ATRN: variants seen among roughly 807,000 people sequenced by gnomAD.
ATRN encodes the protein attractin-2.
In ATRN, 54 loss-of-function variants were observed where a neutral mutation model predicts 178.7. The observed-to-expected ratio is 0.30, with a 90% CI of 0.24 to 0.38. The LOEUF (loss-of-function observed/expected upper bound fraction) is 0.38. ATRN is among the 10% of genes least tolerant of loss of function. ATRN has a pLI of 1.00. For missense variants in ATRN, 1,443 were observed against 1,815.1 expected (o/e 0.79, Z 3.73); for synonymous variants, 636 against 663.0 (o/e 0.96, Z 0.63).
chr20:3,507,135 A>G (rs1472943872), intron 1 of ATRN, among the ~76,000 whole-genome samples: 1 of 151,712 alleles, frequency 6.6e-6, no homozygotes, highest in African/African-American at 2.4e-5. Context: ...GGCCGGGCAC[A>G]TTGGCTCATG....
chr20:3,633,229 G>C (rs922177159), intron 25 of ATRN, among the ~76,000 whole-genome samples: 8 of 152,188 alleles, frequency 5.3e-5, no homozygotes, highest in African/African-American at 1.7e-4. Context: ...GACGATCCTG[G>C]GGGGGTTGGA....
At chr20:3,484,953 T>C (rs1325126738) in intron 1 of ATRN, among the ~76,000 whole-genome samples, 1 of 148,662 alleles carries the variant, frequency 6.7e-6, no homozygotes, top group African/African-American at 2.5e-5. Flanking sequence ...ATTATTGCAC[T>C]GAGTAATATT....
intron 1 of ATRN, among the ~76,000 whole-genome samples, chr20:3,515,025 T>C (rs1259855420): frequency 1.3e-5 from 2 of 152,168 alleles, no homozygotes; most frequent in East Asian, 1.9e-4. Flanking sequence ...TTAGGATAAC[T>C]ATCACACTGT....
chr20:3,586,012 T>C (rs1200288117), intron 18 of ATRN, among the ~76,000 whole-genome samples: 4 of 152,132 alleles, frequency 2.6e-5, no homozygotes, highest in Non-Finnish European at 2.9e-5. Flanking sequence ...AAGTTAAATA[T>C]AGAGTTATCA....
At chr20:3,541,798 A>G (rs1600090470) in intron 3 of ATRN, among the ~76,000 whole-genome samples, 1 of 152,224 alleles carries the variant, frequency 6.6e-6, no homozygotes. Flanking sequence ...TTCACCTGCA[A>G]CTGGCTTTCT....
intron 1 of ATRN, among the ~76,000 whole-genome samples, chr20:3,507,617 C>T (rs1423284565): frequency 1.3e-5 from 2 of 151,298 alleles, no homozygotes; most frequent in African/African-American, 4.9e-5. Flanking sequence ...TCAGGAAATG[C>T]AACAAACACC....
chr20:3,521,351 A>C (rs892692836), intron 1 of ATRN, among the ~76,000 whole-genome samples: 5 of 152,110 alleles, frequency 3.3e-5, no homozygotes, highest in African/African-American at 1.2e-4. Flanking sequence ...GAAAAAAAAA[A>C]CCCAAAAACA....
chr20:3,581,295 A>G (rs979573086), intron 15 of ATRN, among the ~76,000 whole-genome samples: 1 of 152,210 alleles, frequency 6.6e-6, no homozygotes, highest in Non-Finnish European at 1.5e-5. Context: ...CTTTTGTTTT[A>G]TAACTACCAA....
At chr20:3,561,889 G>A (rs1689778753) in intron 8 of ATRN, among the ~76,000 whole-genome samples, 1 of 152,000 alleles carries the variant, frequency 6.6e-6, no homozygotes, top group Non-Finnish European at 1.5e-5. Context: ...CACCACTCCT[G>A]GCTAATTTTT....
chr20:3,642,928 AC>A (rs1162328508), intron 27 of ATRN, among the ~76,000 whole-genome samples: 12 of 152,144 alleles, frequency 7.9e-5, no homozygotes, highest in Non-Finnish European at 1.6e-4. Flanking sequence ...GACTTGACAC[AC>A]CATCCCTGGT....
At chr20:3,635,392 A>AATAAATAAATAT (rs1447434992) in intron 26 of ATRN, among the ~76,000 whole-genome samples, 2 of 151,320 alleles carry the variant, frequency 1.3e-5, no homozygotes, top group East Asian at 3.8e-4. Context: ...TAAATAAATA[A>AATAAATAAATAT]ATATTTTAAA....
chr20:3,508,991 T>C (rs2085084879), intron 1 of ATRN, among the ~76,000 whole-genome samples: 1 of 151,566 alleles, frequency 6.6e-6, no homozygotes, highest in Non-Finnish European at 1.5e-5. Context: ...AAGTAAATAG[T>C]AAAAGGATGC....
At chr20:3,501,989 T>A (rs917208426) in intron 1 of ATRN, among the ~76,000 whole-genome samples, 2 of 152,146 alleles carry the variant, frequency 1.3e-5, no homozygotes, top group African/African-American at 4.8e-5. Context: ...GAAGCCCAGC[T>A]TTCACATTAC....
chr20:3,579,732 C>T (rs976847190), intron 15 of ATRN, among the ~76,000 whole-genome samples: 2 of 152,144 alleles, frequency 1.3e-5, no homozygotes, highest in Non-Finnish European at 2.9e-5. Context: ...ACTCATAGAA[C>T]AAAGCTCTTT....
At chr20:3,559,315 G>T (rs1411286791) in intron 6 of ATRN, 78 bp from the exon 7 acceptor site, 8 of 1,156,500 alleles carry the variant, frequency 6.9e-6, no homozygotes. Context: ...TCTCCAAACT[G>T]GATTATGTCA....
At chr20:3,553,520 A>G (rs2085818520) in intron 6 of ATRN, among the ~76,000 whole-genome samples, 1 of 152,210 alleles carries the variant, frequency 6.6e-6, no homozygotes, top group African/African-American at 2.4e-5. Context: ...CCATTGAACA[A>G]TATAAATAAT....
At chr20:3,544,563 T>C (rs1268175349) in intron 3 of ATRN, among the ~76,000 whole-genome samples, 2 of 151,846 alleles carry the variant, frequency 1.3e-5, no homozygotes, top group Non-Finnish European at 2.9e-5. Context: ...TATGAAGAAA[T>C]GCAACAGCAG....
At chr20:3,622,765 A>G (rs1163763468) in intron 24 of ATRN, among the ~76,000 whole-genome samples, 1 of 152,246 alleles carries the variant, frequency 6.6e-6, no homozygotes, top group Non-Finnish European at 1.5e-5. Context: ...GGATCCCTTT[A>G]AAGTCTTGGG....
chr20:3,596,744 G>A (rs1255010532), intron 21 of ATRN, among the ~76,000 whole-genome samples: 2 of 152,032 alleles, frequency 1.3e-5, no homozygotes, highest in African/African-American at 2.4e-5. Flanking sequence ...CCTAGTTGGG[G>A]TCATCATATT....
Sources: allele counts gnomAD v4.1 joint callset (sites outside exome capture counted in the v4.1 genomes callset), GRCh38; gene constraint gnomAD v4.1.1; transcripts MANE v1.5; gene names NCBI Gene and HGNC (gene_info 2026-07-23, HGNC 2026-07-21).